SLC22A16: variants seen among roughly 807,000 people sequenced by gnomAD.
The protein encoded by SLC22A16 is WUGSC:RG331P03.1.
Under a neutral mutation model 52.9 loss-of-function variants are expected in SLC22A16, and 53 were observed. The ratio of observed to expected loss-of-function variants is 1.00; its 90% CI spans 0.80 to 1.26. SLC22A16 has a LOEUF of 1.26. Among genes scored for constraint, SLC22A16 ranks in the 50% most tolerant of loss-of-function variants. The pLI, the probability that SLC22A16 is intolerant of heterozygous loss-of-function variation, is 0.00. For missense variants in SLC22A16, 726 were observed against 704.0 expected (o/e 1.03, Z -0.35); for synonymous variants, 291 against 268.8 (o/e 1.08, Z -0.81).
intron 6 of SLC22A16, among the ~76,000 whole-genome samples, chr6:110,431,491 T>C (rs13193466): frequency 0.073 from 11,193 of 152,314 alleles, 444 homozygotes; most frequent in Middle Eastern, 0.14. Flanking sequence ...TACACAAATA[T>C]TTACCATTGT....
At position 110,438,166 on chromosome 6, in the gene SLC22A16, A is replaced by G. The variant is rs938150895; in HGVS notation, c.1311+554T>C. Among the ~76,000 whole-genome samples, 4 of 152,192 alleles carry G rather than the reference A, an allele frequency of 2.6e-5. No homozygotes were observed. The South Asian group carries it at 6.2e-4, about 24-fold the overall frequency. ...ACTGTGTGTTCTCAGCACCTGGCAC[A>G]TAAAAGATGGTGGATAAATGTTTGC... On this transcript the variant is annotated intron_variant, in intron 5 of 7. Transcript: ENST00000368919.
chr6:110,438,856 G>A lies in SLC22A16; in HGVS notation c.1184-9C>T. 6.2e-7 allele frequency: 1 copy of A among 1,613,664 alleles called. No individual in the cohort carries two copies. Among genetic ancestry groups the A allele is most frequent in the Non-Finnish European group, 8.5e-7 (1 of 1,179,742 alleles). On this transcript the variant is annotated splice_polypyrimidine_tract_variant and intron_variant, in intron 4 of 7. Transcript: ENST00000368919. ...GGGAATTTCCACTACACCTGTCATT[G>A]AGCAAGCAGCCCTCTATAAGTCTAG...
At chr6:110,469,667 A>C (rs180781213) in intron 1 of SLC22A16, among the ~76,000 whole-genome samples, 496 of 152,402 alleles carry the variant, frequency 3.3e-3, no homozygotes, top group African/African-American at 0.012. Flanking sequence ...ACAAACTAAA[A>C]AAAATCTTTG....
chr6:110,455,092 A>G (rs543592604), intron 2 of SLC22A16, among the ~76,000 whole-genome samples: 1 of 142,050 alleles, frequency 7.0e-6, no homozygotes, highest in Non-Finnish European at 1.5e-5. Context: ...GCATCTATCA[A>G]AGTGACTGTA....
At chr6:110,426,188 A>C (rs1335236483) in intron 7 of SLC22A16, among the ~76,000 whole-genome samples, 1 of 152,202 alleles carries the variant, frequency 6.6e-6, no homozygotes, top group Non-Finnish European at 1.5e-5. Flanking sequence ...TGACATTCCA[A>C]AGGAATTTTA....
At chr6:110,443,629 C>T (rs1043407821) in intron 3 of SLC22A16, among the ~76,000 whole-genome samples, 6 of 151,952 alleles carry the variant, frequency 3.9e-5, no homozygotes, top group Non-Finnish European at 7.4e-5. Context: ...AACAGTATGA[C>T]GATTCCTCAA....
intron 1 of SLC22A16, among the ~76,000 whole-genome samples, chr6:110,461,918 T>C (rs6928918): frequency 0.087 from 13,216 of 152,248 alleles, 737 homozygotes; most frequent in East Asian, 0.29. Context: ...GATAAAGACA[T>C]ACCAAGACTG....
chr6:110,451,484 C>A (rs1267735143), intron 2 of SLC22A16, among the ~76,000 whole-genome samples: 1 of 152,188 alleles, frequency 6.6e-6, no homozygotes, highest in African/African-American at 2.4e-5. Flanking sequence ...AGACTTCTGA[C>A]TTTTGACAAC....
intron 2 of SLC22A16, among the ~76,000 whole-genome samples, chr6:110,448,214 A>C (rs773385695): frequency 7.9e-5 from 12 of 152,222 alleles, no homozygotes; most frequent in Middle Eastern, 3.4e-3. Context: ...GTAGTATCTG[A>C]TTGTGGTTTT....
intron 3 of SLC22A16, among the ~76,000 whole-genome samples, chr6:110,445,816 C>T (rs1775149401): frequency 1.3e-5 from 2 of 152,006 alleles, no homozygotes; most frequent in Non-Finnish European, 2.9e-5. Flanking sequence ...TCTCACTCTA[C>T]AGTCACAGAG....
chr6:110,442,697 C>A lies in SLC22A16; in HGVS notation c.730G>T (p.Val244Phe). ...ACTGCAAAAAAGGAATGCAAATGGA[C>A]AGACGCCCATGTCCGAGACTTCATG... ...IGMKSRTWAS[V>F]HLHSFFAVGT... The change falls in exon 4 of 8, where the codon GTC becomes TTC. Residue 244 changes from valine (V) to phenylalanine (F), a missense_variant. Transcript: ENST00000368919. 6.2e-7 allele frequency: 1 copy of A among 1,614,126 alleles called. No homozygotes were observed. Among genetic ancestry groups the A allele is most frequent in the Non-Finnish European group, 8.5e-7 (1 of 1,179,980 alleles).
chr6:110,453,541 A>G (rs1029868278), intron 2 of SLC22A16: 2 of 446,564 alleles, frequency 4.5e-6, no homozygotes, highest in South Asian at 3.2e-5. Flanking sequence ...GTTAGCAAGC[A>G]GTAGGGCAGC....
At chr6:110,474,937 T>C (rs1236671554) in intron 1 of SLC22A16, 1 of 518,902 alleles carries the variant, frequency 1.9e-6, no homozygotes, top group Non-Finnish European at 3.8e-6. Flanking sequence ...CCTACCTCAT[T>C]GAGTTACTGT....
rs1380996305 is a variant in SLC22A16, at chr6:110,454,506, G to A, written c.533+2032C>T. Reference sequence around the variant, plus strand: ...ATATATCATGGCTGCTCTGCCTATGGAGTGACCCTTCTTTATTCCTTTACT... The same window carrying A: ...ATATATCATGGCTGCTCTGCCTATGAAGTGACCCTTCTTTATTCCTTTACT... On this transcript the variant is annotated intron_variant, in intron 2 of 7. Transcript: ENST00000368919. 4.4e-5 allele frequency among the ~76,000 whole-genome samples: 6 copies of A among 137,250 alleles called. No homozygotes were observed. In the Admixed American group the frequency reaches 5.1e-4, roughly 12 times the overall value. 90.0% of individuals were successfully genotyped at this position (137,250 alleles called of 152,430 possible). A position where few individuals can be genotyped will look rare whatever the true frequency, so the allele number is the denominator to read the frequency against.
In SLC22A16 at chr6:110,442,683, G is replaced by T; in HGVS notation, c.744C>A (p.Ser248=). The change falls in exon 4 of 8, where the codon TCC becomes TCA. Residue 248 remains serine, a synonymous_variant. Coordinates refer to ENST00000368919, the MANE Select transcript of SLC22A16 (RefSeq NM_033125.4). ...SRTWASVHLH[S]FFAVGTLLVA... ...CCAGCAGGGTTCCAACTGCAAAAAA[G>T]GAATGCAAATGGACAGACGCCCATG... is the stretch of plus-strand genomic sequence containing the variant. 6.2e-7 allele frequency: 1 copy of T among 1,614,026 alleles called. No homozygotes were observed. The highest frequency in any genetic ancestry group is 1.1e-5 in the South Asian group (1 of 91,070).
chr6:110,434,495 A>G (rs1018650827), intron 6 of SLC22A16, among the ~76,000 whole-genome samples: 1 of 152,168 alleles, frequency 6.6e-6, no homozygotes, highest in African/African-American at 2.4e-5. Context: ...AGCTTCCACA[A>G]AGGACCTCCG....
At chr6:110,473,241 C>CT (rs1174285766) in intron 1 of SLC22A16, among the ~76,000 whole-genome samples, 1 of 152,128 alleles carries the variant, frequency 6.6e-6, no homozygotes, top group African/African-American at 2.4e-5. Context: ...AAAACCCTAC[C>CT]TCTATCCATT....
At chr6:110,446,840 A>C in intron 3 of SLC22A16, 33 bp downstream of exon 3, 1 of 1,564,220 alleles carries the variant, frequency 6.4e-7, no homozygotes, top group Non-Finnish European at 8.7e-7. Flanking sequence ...GAAAAACTGC[A>C]GCAGAATTAA....
intron 6 of SLC22A16, among the ~76,000 whole-genome samples, chr6:110,432,106 G>T (rs1774529830): frequency 6.6e-6 from 1 of 152,154 alleles, no homozygotes; most frequent in South Asian, 2.1e-4. Flanking sequence ...GTCCTTTTAT[G>T]TGAGTAAGTA....
Sources: gnomAD v4.1 joint callset for allele counts (sites outside exome capture counted in the v4.1 genomes callset) on GRCh38, gnomAD v4.1.1 for gene constraint, MANE v1.5 for transcripts, NCBI Gene and HGNC (gene_info 2026-07-23, HGNC 2026-07-21) for gene names.